Variants in TLK2 observed in about 807,000 individuals in gnomAD.
The protein encoded by TLK2 is serine/threonine-protein kinase tousled-like 2.
TLK2 carries 6 observed loss-of-function variants against 117.3 expected under a neutral mutation model. That is an observed-to-expected ratio of 0.05 (90% CI 0.03 to 0.10). The LOEUF is 0.10. TLK2 is among the 10% of genes least tolerant of loss of function. The pLI is 1.00. For synonymous variants in TLK2, 257 were observed against 316.7 expected, an observed-to-expected ratio of 0.81 and a Z score of 2.00; for missense variants, 299 against 901.2, an observed-to-expected ratio of 0.33 and a Z score of 8.56.
At chr17:62,555,742 G>T (rs892559041) in intron 9 of TLK2, among the ~76,000 whole-genome samples, 13 of 152,078 alleles carry the variant, frequency 8.5e-5, no homozygotes, top group African/African-American at 3.1e-4. Context: ...CTCCCAAAGT[G>T]CTGGGATTAC....
At chr17:62,471,888 CTTTTTTTT>C (rs869092720) in intron 1 of TLK2, among the ~76,000 whole-genome samples, 59 of 37,772 alleles carry the variant, frequency 1.6e-3, no homozygotes, top group Admixed American at 8.0e-3. Context: ...GTAGTATAGT[CTTTTTTTT>C]TTTTTTTTTT....
chr17:62,534,038 T>C (rs1283652482), intron 6 of TLK2, among the ~76,000 whole-genome samples: 1 of 152,202 alleles, frequency 6.6e-6, no homozygotes, highest in Non-Finnish European at 1.5e-5. Context: ...GTGCCACTGG[T>C]CAATCTGTCT....
chr17:62,585,657 A>C (rs899310550), intron 15 of TLK2: 10 of 152,540 alleles, frequency 6.6e-5, no homozygotes, highest in African/African-American at 2.4e-4. Context: ...GCCAAATTAC[A>C]GGGTGGTTTT....
intron 19 of TLK2, among the ~76,000 whole-genome samples, chr17:62,605,777 G>A (rs1263448646): frequency 2.0e-5 from 3 of 151,980 alleles, no homozygotes; most frequent in African/African-American, 7.2e-5. Context: ...GGTCGAGCTG[G>A]GAGGATCACT....
Position 62,608,029 on chromosome 17 carries a change from T to C in TLK2, c.1972-12T>C. The stretch of plus-strand genomic sequence containing the variant: ...CAGAGGCCTACATTATTTGTTTGTT[T>C]TTATGTGACAGCCTTTTGGCCATAA... On this transcript the variant is annotated splice_polypyrimidine_tract_variant and intron_variant, in intron 20 of 21. Transcript: ENST00000346027. 6.2e-7 allele frequency: 1 copy of C among 1,604,214 alleles called. No homozygotes were observed. Among genetic ancestry groups the C allele is most frequent in the African/African-American group, 1.3e-5 (1 of 74,496 alleles).
intron 6 of TLK2, among the ~76,000 whole-genome samples, chr17:62,534,336 GT>G (rs771592482): frequency 1.3e-5 from 2 of 152,186 alleles, no homozygotes; most frequent in Admixed American, 6.5e-5. Context: ...GAAATTTGAT[GT>G]TTGTAGAATC....
intron 2 of TLK2, among the ~76,000 whole-genome samples, chr17:62,507,903 A>G (rs1462701119): frequency 6.6e-6 from 1 of 151,960 alleles, no homozygotes; most frequent in African/African-American, 2.4e-5. Flanking sequence ...TATTAGAAAC[A>G]TGTTTTATTT....
chr17:62,600,597 T>C, intron 17 of TLK2, 54 bp from the exon 18 acceptor site: 1 of 1,491,848 alleles, frequency 6.7e-7, no homozygotes. Flanking sequence ...ATTTAGGTAG[T>C]GTTAATCTGC....
At chr17:62,570,425 A>G (rs2080186945) in intron 11 of TLK2, among the ~76,000 whole-genome samples, 1 of 152,056 alleles carries the variant, frequency 6.6e-6, no homozygotes, top group South Asian at 2.1e-4. Flanking sequence ...TTAAGGATCA[A>G]CTCTGTGAAA....
At chr17:62,599,735 GTC>G (rs900136084) in intron 17 of TLK2, among the ~76,000 whole-genome samples, 5 of 152,136 alleles carry the variant, frequency 3.3e-5, no homozygotes, top group African/African-American at 1.2e-4. Context: ...CTGAATTAAA[GTC>G]TCTCTGTTTT....
intron 7 of TLK2, among the ~76,000 whole-genome samples, chr17:62,544,270 A>C (rs921946587): frequency 2.6e-5 from 4 of 152,234 alleles, no homozygotes; most frequent in African/African-American, 9.6e-5. Context: ...TAATTAACTC[A>C]TAGTTCTGCA....
intron 19 of TLK2, 72 bp downstream of exon 19, chr17:62,602,252 A>G (rs1338959884): frequency 2.0e-6 from 3 of 1,501,914 alleles, no homozygotes; most frequent in South Asian, 1.4e-5. Context: ...TTGATAATGA[A>G]TTAATTGCTG....
rs893218693 is a variant in TLK2 at position 62,523,318 on chromosome 17, C to T, written c.267+141C>T. The T allele has an allele frequency of 2.5e-6, 3 of 1,180,580 alleles. No homozygotes were observed. In the Admixed American group the frequency reaches 9.1e-5, roughly 36 times the overall value. The allele number at this position is 1,180,580 out of a possible 1,614,324, so 73.1% of individuals were successfully genotyped here. A position where few individuals can be genotyped will look rare whatever the true frequency, so the allele number is the denominator to read the frequency against. ...TTTTGGCCAGGCGAGGTGGCTTATG[C>T]TTGTAATCCCAGCACTTTGGGAGGC... On this transcript the variant is annotated intron_variant, in intron 5 of 21. Transcript: ENST00000346027.
intron 6 of TLK2, among the ~76,000 whole-genome samples, chr17:62,533,209 T>G (rs1370690777): frequency 2.6e-5 from 4 of 151,684 alleles, no homozygotes; most frequent in African/African-American, 7.2e-5. Flanking sequence ...ATTGTAAATA[T>G]TTTTGCTTGT....
intron 7 of TLK2, among the ~76,000 whole-genome samples, chr17:62,551,336 C>A (rs1233575797): frequency 1.3e-5 from 2 of 152,182 alleles, no homozygotes; most frequent in African/African-American, 4.8e-5. Flanking sequence ...TTCCATGATT[C>A]TCAGAATATT....
intron 2 of TLK2, among the ~76,000 whole-genome samples, chr17:62,514,814 C>T (rs1055654221): frequency 1.3e-5 from 2 of 151,936 alleles, no homozygotes; most frequent in Non-Finnish European, 2.9e-5. Context: ...CCTGGCCTCA[C>T]GTGATCCACC....
intron 2 of TLK2, among the ~76,000 whole-genome samples, chr17:62,504,137 T>C (rs549210701): frequency 1.1e-4 from 16 of 152,324 alleles, no homozygotes; most frequent in Middle Eastern, 3.4e-3. Context: ...TGGTTGAAAC[T>C]GGTTGGTTGG....
intron 6 of TLK2, among the ~76,000 whole-genome samples, chr17:62,528,105 A>G (rs2076502262): frequency 1.3e-5 from 2 of 152,154 alleles, no homozygotes; most frequent in African/African-American, 4.8e-5. Context: ...CTCTTGTTAC[A>G]TAAAGGTGTA....
intron 21 of TLK2, among the ~76,000 whole-genome samples, chr17:62,608,481 T>A (rs1170761619): frequency 6.6e-6 from 1 of 152,194 alleles, no homozygotes; most frequent in East Asian, 1.9e-4. Flanking sequence ...TTCATCTGTA[T>A]TCAGGGATTA....
Sources: gnomAD v4.1 joint callset for allele counts (sites outside exome capture counted in the v4.1 genomes callset) on GRCh38, gnomAD v4.1.1 for gene constraint, MANE v1.5 for transcripts, NCBI Gene and HGNC (gene_info 2026-07-23, HGNC 2026-07-21) for gene names.